CTNND2: variants seen among roughly 807,000 people sequenced by gnomAD.
CTNND2 encodes catenin delta 2, also known as catenin delta-2.
In CTNND2, 22 loss-of-function variants were observed where a neutral mutation model predicts 144.4. The observed-to-expected ratio is 0.15, with a 90% CI of 0.11 to 0.22. CTNND2 has a LOEUF of 0.22. Among genes scored for constraint, CTNND2 ranks in the 10% least tolerant of loss-of-function variants. The probability of loss-of-function intolerance (pLI) is 1.00; values close to 1 mark genes in which losing one functional copy is unlikely to be tolerated. For missense variants in CTNND2, 1,353 were observed against 1,618.8 expected (o/e 0.84, Z 2.82); for synonymous variants, 751 against 695.6 (o/e 1.08, Z -1.25).
At chr5:11,892,480 A>C (rs931783871) in intron 1 of CTNND2, among the ~76,000 whole-genome samples, 1 of 152,224 alleles carries the variant, frequency 6.6e-6, no homozygotes, top group Non-Finnish European at 1.5e-5. Context: ...ACTATTTAAC[A>C]TAAGTCCTGG....
At chr5:11,584,848 C>T (rs190600924) in intron 2 of CTNND2, among the ~76,000 whole-genome samples, 103 of 152,222 alleles carry the variant, frequency 6.8e-4, no homozygotes, top group African/African-American at 2.3e-3. Context: ...GAGCTACTGA[C>T]TGAATATGAT....
chr5:11,709,099 G>A (rs965245650), intron 2 of CTNND2, among the ~76,000 whole-genome samples: 1 of 152,180 alleles, frequency 6.6e-6, no homozygotes, highest in South Asian at 2.1e-4. Flanking sequence ...GTTCCCAAGA[G>A]AGCAAGAACT....
chr5:11,898,974 A>G (rs1170846580), intron 1 of CTNND2, among the ~76,000 whole-genome samples: 2 of 152,170 alleles, frequency 1.3e-5, no homozygotes, highest in Non-Finnish European at 2.9e-5. Context: ...CATCCCAAGG[A>G]GCTGGACATC....
rs566030804 is a variant in CTNND2, at chr5:11,521,801, G to A, written c.287+43143C>T. Among the ~76,000 whole-genome samples, 15 of 152,302 alleles carry A rather than the reference G, an allele frequency of 9.8e-5. No homozygotes were observed. In the South Asian group the frequency reaches 2.9e-3, roughly 29 times the overall value. On this transcript the variant is annotated intron_variant, in intron 3 of 21. Transcript: ENST00000304623. The stretch of plus-strand genomic sequence containing the variant: ...AATCGATGCTCGTTGAGTGAATGAT[G>A]CATAGCCGATGTTAAACATCCATTA...
intron 12 of CTNND2, among the ~76,000 whole-genome samples, chr5:11,132,066 C>T (rs1755673374): frequency 6.6e-6 from 1 of 152,170 alleles, no homozygotes; most frequent in African/African-American, 2.4e-5. Context: ...CTGAAAGAGG[C>T]AAAGAACTGC....
In CTNND2 at chr5:11,091,419, G is replaced by A. The variant is rs1013060434; in HGVS notation, c.2637+7156C>T. On this transcript the variant is annotated intron_variant, in intron 15 of 21. Coordinates refer to ENST00000304623, the MANE Select transcript of CTNND2 (RefSeq NM_001332.4). ...ATACTGTTATAATAATTGCTTATTTGATAATTTTAACATCTGTCAGTTCTT... is the reference window on the plus strand; with the variant it reads ...ATACTGTTATAATAATTGCTTATTTAATAATTTTAACATCTGTCAGTTCTT... Among the ~76,000 whole-genome samples the A allele has an allele frequency of 1.3e-4, 20 of 152,252 alleles. 1 individual carries two copies. In the East Asian group the frequency reaches 2.5e-3, roughly 19 times the overall value.
At chr5:11,043,286 G>C (rs1483275074) in intron 16 of CTNND2, among the ~76,000 whole-genome samples, 1 of 152,034 alleles carries the variant, frequency 6.6e-6, no homozygotes, top group African/African-American at 2.4e-5. Flanking sequence ...AATGTCTCAG[G>C]CTATATAATA....
intron 6 of CTNND2, among the ~76,000 whole-genome samples, chr5:11,394,738 T>C (rs1759922348): frequency 6.6e-6 from 1 of 152,236 alleles, no homozygotes; most frequent in South Asian, 2.1e-4. Context: ...GGGCCTGTTG[T>C]AGATCCTGGT....
chr5:11,529,891 T>A (rs978155026), intron 3 of CTNND2, among the ~76,000 whole-genome samples: 1 of 152,090 alleles, frequency 6.6e-6, no homozygotes, highest in Non-Finnish European at 1.5e-5. Context: ...ATCAAAATCC[T>A]TTTGTACTGA....
Position 11,227,546 on chromosome 5 carries a change from T to A in CTNND2, c.1761+9145A>T, listed in dbSNP as rs138151982. On this transcript the variant is annotated intron_variant, in intron 10 of 21. Coordinates refer to ENST00000304623, the MANE Select transcript of CTNND2 (RefSeq NM_001332.4). ...ATTCAAAGGTAGTTGACTGAAAAGA[T>A]GAATAGCACATTCCCTCGAACTATA... Among the ~76,000 whole-genome samples the A allele has an allele frequency of 7.0e-3, 1,065 of 152,308 alleles. 12 individuals are homozygous for A. Among genetic ancestry groups the A allele is most frequent in the African/African-American group, 0.024 (1,003 of 41,558 alleles).
At chr5:11,103,785 A>T (rs1419327851) in intron 14 of CTNND2, among the ~76,000 whole-genome samples, 2 of 152,164 alleles carry the variant, frequency 1.3e-5, no homozygotes, top group African/African-American at 2.4e-5. Flanking sequence ...TCACAGGAGT[A>T]CTCTAATTAT....
intron 5 of CTNND2, among the ~76,000 whole-genome samples, chr5:11,404,945 C>G (rs1156709641): frequency 6.6e-6 from 1 of 152,084 alleles, no homozygotes; most frequent in African/African-American, 2.4e-5. Flanking sequence ...GGAAATCCCT[C>G]AATACATCTT....
At chr5:11,250,822 A>G (rs1332460270) in intron 9 of CTNND2, among the ~76,000 whole-genome samples, 1 of 151,956 alleles carries the variant, frequency 6.6e-6, no homozygotes, top group Non-Finnish European at 1.5e-5. Flanking sequence ...CAGCCCATAG[A>G]CCTTTATAAT....
chr5:11,017,598 C>G (rs62337239), intron 18 of CTNND2, among the ~76,000 whole-genome samples: 2 of 39,722 alleles, frequency 5.0e-5, no homozygotes, highest in Non-Finnish European at 7.3e-5. Flanking sequence ...ATATATATAT[C>G]TTTCCATATA....
chr5:11,614,592 T>C (rs1444073494), intron 2 of CTNND2, among the ~76,000 whole-genome samples: 1 of 152,252 alleles, frequency 6.6e-6, no homozygotes, highest in African/African-American at 2.4e-5. Flanking sequence ...AGGCTGTTCA[T>C]GGCAGAAATG....
intron 2 of CTNND2, among the ~76,000 whole-genome samples, chr5:11,687,511 C>T (rs1020027564): frequency 6.6e-6 from 1 of 152,364 alleles, no homozygotes; most frequent in African/African-American, 2.4e-5. Flanking sequence ...CAAGCTACTA[C>T]ACCTGTTGAA....
chr5:11,424,729 C>CT (rs761094376), intron 3 of CTNND2, among the ~76,000 whole-genome samples: 4 of 151,800 alleles, frequency 2.6e-5, no homozygotes, highest in Non-Finnish European at 5.9e-5. Context: ...CAGACTGGTT[C>CT]TTTATGTGGA....
chr5:11,754,769 T>G (rs908954056), intron 1 of CTNND2, among the ~76,000 whole-genome samples: 1 of 151,780 alleles, frequency 6.6e-6, no homozygotes, highest in Admixed American at 6.6e-5. Context: ...GAAATTAGAA[T>G]AGCAGCCCCT....
intron 1 of CTNND2, among the ~76,000 whole-genome samples, chr5:11,836,680 A>C (rs1028895604): frequency 6.6e-6 from 1 of 152,122 alleles, no homozygotes; most frequent in Non-Finnish European, 1.5e-5. Context: ...GAAAAAAAAA[A>C]CTCTACTTTG....
Sources: allele counts gnomAD v4.1 joint callset (sites outside exome capture counted in the v4.1 genomes callset), GRCh38; gene constraint gnomAD v4.1.1; transcripts MANE v1.5; gene names NCBI Gene and HGNC (gene_info 2026-07-23, HGNC 2026-07-21).